The following FER1L6 variants were observed in gnomAD, a reference collection of about 807,000 sequenced individuals.
FER1L6 encodes fer-1-like protein 6.
A neutral mutation model predicts 219.2 loss-of-function variants in FER1L6; 177 were observed. The observed-to-expected ratio is 0.81, with a 90% CI of 0.71 to 0.91. The LOEUF (loss-of-function observed/expected upper bound fraction) is 0.91. FER1L6 is among the 40% of genes least tolerant of loss of function. The pLI is 0.00. For missense variants in FER1L6, 2,153 were observed against 2,259.9 expected, an observed-to-expected ratio of 0.95 and a Z score of 0.96; for synonymous variants, 768 against 824.3, an observed-to-expected ratio of 0.93 and a Z score of 1.17.
intron 34 of FER1L6, among the ~76,000 whole-genome samples, chr8:124,092,980 T>C (rs905170711): frequency 1.3e-5 from 2 of 151,044 alleles, no homozygotes; most frequent in East Asian, 2.0e-4. Flanking sequence ...TGCGCCACCA[T>C]ACCTGACTAA....
intron 16 of FER1L6, among the ~76,000 whole-genome samples, chr8:124,020,634 A>G (rs530389195): frequency 6.6e-6 from 1 of 152,242 alleles, no homozygotes; most frequent in Non-Finnish European, 1.5e-5. Flanking sequence ...CTCTGGGAAG[A>G]GGTGGTGAGT....
chr8:123,886,271 T>G lies in FER1L6; in HGVS notation c.-8+34086T>G, dbSNP rs561710242. On this transcript the variant is annotated intron_variant, in intron 1 of 40. Transcript: ENST00000522917. ...AAATTTGCTCCCCAATGTTGTGGTG[T>G]TGAGAGGTGTGGCCTAGTGGAAGGT... is the stretch of plus-strand genomic sequence containing the variant. Among the ~76,000 whole-genome samples, 8 of 152,262 alleles carry G rather than the reference T, an allele frequency of 5.3e-5. No individual in the cohort carries two copies. The East Asian group carries it at 1.5e-3, about 29-fold the overall frequency.
At chr8:123,984,960 T>A (rs1816501356) in intron 11 of FER1L6, 1 of 152,250 alleles carries the variant, frequency 6.6e-6, no homozygotes, top group Admixed American at 6.5e-5. Context: ...CTCAGCCTCT[T>A]AGCTCAGAAA....
intron 12 of FER1L6, among the ~76,000 whole-genome samples, chr8:124,000,419 G>C (rs943674114): frequency 6.6e-6 from 1 of 152,166 alleles, no homozygotes; most frequent in Non-Finnish European, 1.5e-5. Flanking sequence ...TGGTCTTTCT[G>C]TGGGGGGTGA....
intron 1 of FER1L6, among the ~76,000 whole-genome samples, chr8:123,921,733 G>A (rs545736751): frequency 2.0e-5 from 3 of 152,166 alleles, no homozygotes; most frequent in African/African-American, 7.2e-5. Context: ...TGCAAGCTGT[G>A]GGGTATCTGG....
Position 123,853,066 on chromosome 8 carries a change from A to C in FER1L6, c.-8+881A>C, listed in dbSNP as rs1050675757. ...GCTATGTTGCTCAGGTTGGTCTCAA[A>C]CTCCTGGGCTCAAGCGATCCTCCTG... On this transcript the variant is annotated intron_variant, in intron 1 of 40. Transcript: ENST00000522917. The surrounding 1 kb of genome is among the most constrained non-coding windows in gnomAD (Gnocchi z 6.6). 6.6e-6 allele frequency among the ~76,000 whole-genome samples: 1 copy of C among 152,090 alleles called. No individual in the cohort carries two copies. Among genetic ancestry groups the C allele is most frequent in the Admixed American group, 6.6e-5 (1 of 15,264 alleles).
chr8:123,959,136 A>G (rs1020375151), intron 2 of FER1L6, among the ~76,000 whole-genome samples: 3 of 152,180 alleles, frequency 2.0e-5, no homozygotes, highest in African/African-American at 7.2e-5. Context: ...AGTAGACTGA[A>G]GAGAACAAAG....
At chr8:123,959,114 A>C (rs1291640341) in intron 2 of FER1L6, among the ~76,000 whole-genome samples, 1 of 152,154 alleles carries the variant, frequency 6.6e-6, no homozygotes, top group Non-Finnish European at 1.5e-5. Context: ...GTCACCCTGG[A>C]TGCCCATGGT....
chr8:123,926,423 C>T (rs1813565708), intron 1 of FER1L6, among the ~76,000 whole-genome samples: 1 of 152,182 alleles, frequency 6.6e-6, no homozygotes, highest in South Asian at 2.1e-4. Context: ...TGCACAAGGA[C>T]CCGAGTGTGC....
chr8:124,118,940 C>A lies in FER1L6; in HGVS notation c.5386C>A (p.Pro1796Thr), dbSNP rs370341864. 33 of 1,611,888 alleles carry A rather than the reference C, an allele frequency of 2.0e-5. No homozygotes were observed. Among genetic ancestry groups the A allele is most frequent in the Middle Eastern group, 1.6e-4 (1 of 6,066 alleles). The change falls in exon 40 of 41, where the codon CCC becomes ACC. Residue 1796 changes from proline (P) to threonine (T), a missense_variant. Coordinates refer to ENST00000522917, the MANE Select transcript of FER1L6 (RefSeq NM_001039112.2). The stretch of plus-strand genomic sequence containing the variant: ...AAAGGAGCCAGAGCCCCTGGCCAAG[C>A]CCAAGTGAGTGGAGTTGCTAGTGGG... ...ARKEPEPLAK[P>T]NRPDTSFSWF... is the part of the protein sequence containing the mutation.
At chr8:124,032,887 A>G (rs921715301) in intron 18 of FER1L6, among the ~76,000 whole-genome samples, 12 of 152,372 alleles carry the variant, frequency 7.9e-5, no homozygotes, top group African/African-American at 2.6e-4. Flanking sequence ...ATTAGCGTCC[A>G]TCAGGAGAAA....
intron 1 of FER1L6, among the ~76,000 whole-genome samples, chr8:123,926,457 C>T (rs1368842780): frequency 6.6e-6 from 1 of 152,172 alleles, no homozygotes; most frequent in Admixed American, 6.5e-5. Flanking sequence ...TGGCCTGCGG[C>T]CAGCTCTGGG....
intron 31 of FER1L6, among the ~76,000 whole-genome samples, chr8:124,074,437 T>G (rs1001535462): frequency 3.9e-5 from 6 of 151,988 alleles, no homozygotes; most frequent in African/African-American, 1.4e-4. Context: ...GTGGGCAGAT[T>G]GCTTGAGCTC....
chr8:124,048,790 AG>A (rs1195059871), intron 21 of FER1L6, among the ~76,000 whole-genome samples: 1 of 152,240 alleles, frequency 6.6e-6, no homozygotes, highest in African/African-American at 2.4e-5. Context: ...CCAAGGGCAT[AG>A]AACTAGACAG....
At chr8:123,929,728 G>A (rs1418694634) in intron 1 of FER1L6, among the ~76,000 whole-genome samples, 4 of 152,140 alleles carry the variant, frequency 2.6e-5, no homozygotes, top group African/African-American at 7.2e-5. Flanking sequence ...TACATCTTTG[G>A]CATGAGGGGT....
intron 26 of FER1L6, 117 bp downstream of exon 26, chr8:124,064,690 G>A (rs1820748241): frequency 1.2e-6 from 1 of 855,808 alleles, no homozygotes; most frequent in Non-Finnish European, 1.9e-6. Context: ...ACATTTCTGA[G>A]TATCGGTTCA....
At chr8:124,012,782 G>A (rs1818002181) in intron 14 of FER1L6, among the ~76,000 whole-genome samples, 1 of 152,208 alleles carries the variant, frequency 6.6e-6, no homozygotes, top group African/African-American at 2.4e-5. Flanking sequence ...TTTGGGATAT[G>A]GTAGAGAATA....
rs527399578 is a variant in FER1L6, at chr8:123,865,835, T to C, written c.-8+13650T>C. On this transcript the variant is annotated intron_variant, in intron 1 of 40. Coordinates refer to ENST00000522917, the MANE Select transcript of FER1L6 (RefSeq NM_001039112.2). The stretch of plus-strand genomic sequence containing the variant: ...GGTGAGGCAATGCCTCGCCCTGCTT[T>C]GGCTCACGCACGGTGCGCGCACCCA... Among the ~76,000 whole-genome samples, 28 of 151,480 alleles carry C rather than the reference T, an allele frequency of 1.8e-4. No individual in the cohort carries two copies. In the South Asian group the frequency reaches 3.5e-3, roughly 19 times the overall value.
intron 2 of FER1L6, among the ~76,000 whole-genome samples, chr8:123,961,931 C>A (rs1815302613): frequency 6.7e-6 from 1 of 149,352 alleles, no homozygotes; most frequent in South Asian, 2.1e-4. Flanking sequence ...CTCTGTCTCC[C>A]TAGGCTGGAG....
Sources: gnomAD v4.1 joint callset for allele counts (sites outside exome capture counted in the v4.1 genomes callset) on GRCh38, gnomAD v4.1.1 for gene constraint, Gnocchi (gnomAD v3.1) non-coding constraint, MANE v1.5 for transcripts, NCBI Gene and HGNC (gene_info 2026-07-23, HGNC 2026-07-21) for gene names.